CPM: variants seen among roughly 807,000 people sequenced by gnomAD.
CPM encodes renal carboxypeptidase.
Under a neutral mutation model 46.4 loss-of-function variants are expected in CPM, and 35 were observed. That is an observed-to-expected ratio of 0.75 (90% confidence interval 0.58 to 1.00). The LOEUF (loss-of-function observed/expected upper bound fraction) is 1.00, where lower values mean the gene tolerates loss of function less well. CPM is among the 50% of genes least tolerant of loss of function. The pLI is 0.00. For missense variants in CPM, 422 were observed against 530.4 expected, an observed-to-expected ratio of 0.80 and a Z score of 2.01; for synonymous variants, 195 against 195.3, an observed-to-expected ratio of 1.00 and a Z score of 0.01.
Position 68,933,144 on chromosome 12 carries a change from G to T in CPM, c.-6C>A, listed in dbSNP as rs188549595. The T allele has an allele frequency of 3.1e-3, 696 of 222,170 alleles. 5 individuals carry two copies. The highest frequency in any genetic ancestry group is 0.015 in the African/African-American group (653 of 42,716). 13.8% of individuals were successfully genotyped at this position (222,170 alleles called of 1,614,324 possible). ...GCCCCGCGCACCCCCAGCCTCACCA[G>T]GTCCCAGGCGCGCACCTCTACCCAC... On this transcript the variant is annotated splice_region_variant and 5_prime_UTR_variant, in exon 1 of 9. The change creates a new upstream start codon in the 5' untranslated region. Transcript: ENST00000551568.
In CPM at chr12:68,947,935, G is replaced by A. The variant is rs186908623; in HGVS notation, c.-3-15095C>T. 5.1e-3 allele frequency among the ~76,000 whole-genome samples: 773 copies of A among 151,932 alleles called. 29 individuals carry two copies. The highest frequency in any genetic ancestry group is 7.1e-4 in the Non-Finnish European group (48 of 67,974). ...CAACCCATTTCTAGCATACCCACTC[G>A]CCAAACAGCTCTAATAGCTGTTCCC... is the stretch of plus-strand genomic sequence containing the variant. On this transcript the variant is annotated intron_variant, in intron 1 of 8. Transcript: ENST00000546373.
intron 3 of CPM, among the ~76,000 whole-genome samples, chr12:68,883,247 TG>T (rs1375222264): frequency 2.0e-5 from 3 of 152,222 alleles, no homozygotes; most frequent in African/African-American, 7.2e-5. Flanking sequence ...ATGTTAGCTC[TG>T]TTGCTTCTTA....
Position 68,855,738 on chromosome 12 carries a change from T to TTTG in CPM, c.*698_*699insCAA, listed in dbSNP as rs1491208230. On this transcript the variant is annotated 3_prime_UTR_variant, in exon 9 of 9. Coordinates refer to ENST00000551568, the MANE Select transcript of CPM (RefSeq NM_198320.5). ...GTGAGGTGTTTTTTTTGTTTGTTTG[T>TTTG]TTTTGTTTTTTTTTTTTTGAGACAG... 1.0e-4 allele frequency: 15 copies of TTTG among 144,114 alleles called. No individual in the cohort carries two copies. Among genetic ancestry groups the TTTG allele is most frequent in the African/African-American group, 4.1e-4 (14 of 34,002 alleles). The allele number at this position is 144,114 out of a possible 1,614,324, so 8.9% of individuals were successfully genotyped here.
chr12:68,927,250 G>A (rs538364500), intron 2 of CPM, among the ~76,000 whole-genome samples: 5,671 of 150,324 alleles, frequency 0.038, 341 homozygotes, highest in African/African-American at 0.13. Flanking sequence ...TTTAATGATC[G>A]CCATTCTAAC....
intron 1 of CPM, among the ~76,000 whole-genome samples, chr12:68,940,823 AT>A (rs1888748307): frequency 6.6e-6 from 1 of 151,958 alleles, no homozygotes; most frequent in Non-Finnish European, 1.5e-5. Flanking sequence ...TCCTTCCTAT[AT>A]TTTTTAAATT....
At chr12:68,886,379 T>G (rs1289216226) in intron 2 of CPM, among the ~76,000 whole-genome samples, 1 of 150,728 alleles carries the variant, frequency 6.6e-6, no homozygotes, top group East Asian at 1.9e-4. Flanking sequence ...ACGCCTGTAA[T>G]CCCAGCACTC....
intron 2 of CPM, among the ~76,000 whole-genome samples, chr12:68,889,856 C>T (rs1005606600): frequency 3.3e-5 from 5 of 152,078 alleles, no homozygotes; most frequent in East Asian, 1.9e-4. Context: ...GGAAGAGAGC[C>T]GGCAGGAAGA....
chr12:68,865,789 T>G (rs555386470), intron 7 of CPM, among the ~76,000 whole-genome samples: 1 of 152,318 alleles, frequency 6.6e-6, no homozygotes, highest in East Asian at 1.9e-4. Flanking sequence ...AGACACCACC[T>G]GGTTAATAAA....
intron 1 of CPM, among the ~76,000 whole-genome samples, chr12:68,959,412 TA>T (rs1244482706): frequency 0.014 from 2,133 of 148,670 alleles, 47 homozygotes; most frequent in African/African-American, 0.049. Flanking sequence ...ATTGTTATTG[TA>T]AAAAAAAAAA....
At chr12:68,939,367 A>T (rs1002470210) in intron 1 of CPM, among the ~76,000 whole-genome samples, 6 of 148,366 alleles carry the variant, frequency 4.0e-5, no homozygotes, top group Non-Finnish European at 8.9e-5. Flanking sequence ...TATAATATAC[A>T]TATGTAAATA....
At position 68,852,130 on chromosome 12, in the gene CPM, C is replaced by T. The variant is rs1565759705; in HGVS notation, c.*4307G>A. The T allele has an allele frequency of 6.6e-6, 1 of 152,166 alleles. No individual in the cohort carries two copies. The highest frequency in any genetic ancestry group is 2.4e-5 in the African/African-American group (1 of 41,442). 9.4% of individuals were successfully genotyped at this position (152,166 alleles called of 1,614,324 possible). A position where few individuals can be genotyped will look rare whatever the true frequency, so the allele number is the denominator to read the frequency against. ...AATTTGCTTCTGGAACAAAACATAA[C>T]ATTGATTTCTTGGAAAGACTTTTGG... On this transcript the variant is annotated 3_prime_UTR_variant, in exon 9 of 9. Coordinates refer to ENST00000551568, the MANE Select transcript of CPM (RefSeq NM_198320.5).
At chr12:68,925,515 T>C (rs1888222571) in intron 2 of CPM, among the ~76,000 whole-genome samples, 1 of 152,156 alleles carries the variant, frequency 6.6e-6, no homozygotes, top group East Asian at 1.9e-4. Flanking sequence ...TATTCACCAG[T>C]GGGGCATAAG....
At chr12:68,843,295 TGA>T (rs138844063) in intron 5 of CPM, 4,993 of 198,816 alleles carry the variant, frequency 0.025, 1 homozygote, top group Middle Eastern at 0.054. Context: ...GGCCATTTAT[TGA>T]GAGAGAGAGA....
intron 3 of CPM, among the ~76,000 whole-genome samples, chr12:68,879,813 A>G (rs1886109736): frequency 6.6e-6 from 1 of 152,220 alleles, no homozygotes; most frequent in Non-Finnish European, 1.5e-5. Flanking sequence ...AGATAAGCAC[A>G]AAACAAAGAG....
At chr12:68,906,657 T>C (rs779528802) in intron 2 of CPM, among the ~76,000 whole-genome samples, 8 of 152,020 alleles carry the variant, frequency 5.3e-5, no homozygotes, top group Non-Finnish European at 8.8e-5. Flanking sequence ...ACCTGGCTAA[T>C]TGTTTTGTAT....
At chr12:68,928,742 C>CT (rs398020021) in intron 2 of CPM, among the ~76,000 whole-genome samples, 30,618 of 142,138 alleles carry the variant, frequency 0.22, 4,216 homozygotes, top group African/African-American at 0.41. Context: ...AGACAAGATA[C>CT]TTTTTTTTTT....
At chr12:68,888,390 A>G (rs1206647283) in intron 2 of CPM, among the ~76,000 whole-genome samples, 1 of 152,202 alleles carries the variant, frequency 6.6e-6, no homozygotes, top group Non-Finnish European at 1.5e-5. Context: ...GTGAACTGCA[A>G]GATAAGAATC....
chr12:68,886,915 T>C (rs1886459014), intron 2 of CPM, among the ~76,000 whole-genome samples: 1 of 152,198 alleles, frequency 6.6e-6, no homozygotes, highest in Admixed American at 6.5e-5. Context: ...GCTCAGGTAA[T>C]CTCAAGTAAT....
intron 1 of CPM, among the ~76,000 whole-genome samples, chr12:68,949,295 C>T (rs551610371): frequency 1.1e-4 from 17 of 152,264 alleles, no homozygotes; most frequent in African/African-American, 3.9e-4. Flanking sequence ...CGCTTGAGCC[C>T]GGGAGGTCAA....
Sources: allele counts gnomAD v4.1 joint callset (sites outside exome capture counted in the v4.1 genomes callset), GRCh38; gene constraint gnomAD v4.1.1; transcripts MANE v1.5; gene names NCBI Gene and HGNC (gene_info 2026-07-23, HGNC 2026-07-21).